Variants in LGR5 observed in about 807,000 individuals in gnomAD.
The protein encoded by LGR5 is leucine-rich repeat-containing G protein-coupled receptor 5.
LGR5 carries 54 observed loss-of-function variants against 76.7 expected under a neutral mutation model. That is an observed-to-expected ratio of 0.70 (90% CI 0.57 to 0.88). The LOEUF is 0.88. Among genes scored for constraint, LGR5 ranks in the 40% least tolerant of loss-of-function variants. The pLI, the probability that LGR5 is intolerant of heterozygous loss-of-function variation, is 0.00. For missense variants in LGR5, 1,078 were observed against 1,073.3 expected (o/e 1.00, Z -0.06); for synonymous variants, 406 against 421.9 (o/e 0.96, Z 0.46).
rs550358658 is a variant in LGR5, at chr12:71,471,488, G to A, written c.212+31196G>A. On this transcript the variant is annotated intron_variant, in intron 1 of 17. Coordinates refer to ENST00000266674, the MANE Select transcript of LGR5 (RefSeq NM_003667.4). ...GAGGATGTTGGACTGGTTAGTGACT[G>A]CTAATGGACATGGGATTTCTGGGTG... 9.8e-5 allele frequency among the ~76,000 whole-genome samples: 15 copies of A among 152,298 alleles called. No individual in the cohort carries two copies. In the South Asian group the frequency reaches 2.9e-3, roughly 29 times the overall value.
intron 1 of LGR5, among the ~76,000 whole-genome samples, chr12:71,462,784 C>A (rs923799196): frequency 5.9e-5 from 9 of 152,154 alleles, no homozygotes; most frequent in African/African-American, 2.2e-4. Flanking sequence ...CACTTAAGGA[C>A]CCATCATGCT....
chr12:71,502,855 T>G (rs1874672604), intron 1 of LGR5, among the ~76,000 whole-genome samples: 1 of 152,192 alleles, frequency 6.6e-6, no homozygotes, highest in Admixed American at 6.5e-5. Flanking sequence ...CACCTTAATA[T>G]GTAAATGACT....
At chr12:71,573,313 T>C (rs1878699748) in intron 13 of LGR5, among the ~76,000 whole-genome samples, 1 of 152,160 alleles carries the variant, frequency 6.6e-6, no homozygotes, top group Non-Finnish European at 1.5e-5. Context: ...TCAAAGTGCT[T>C]AATAATCACC....
intron 1 of LGR5, among the ~76,000 whole-genome samples, chr12:71,501,970 C>T (rs755310832): frequency 2.0e-5 from 3 of 152,068 alleles, no homozygotes; most frequent in Admixed American, 2.0e-4. Context: ...ATTTTAGAGG[C>T]CCATTTCATT....
At chr12:71,475,488 G>C (rs578167630) in intron 1 of LGR5, among the ~76,000 whole-genome samples, 11 of 151,088 alleles carry the variant, frequency 7.3e-5, no homozygotes, top group African/African-American at 2.7e-4. Context: ...GGCTGTTGAT[G>C]CTTTTCAGGC....
At chr12:71,541,825 T>G (rs1158483883) in intron 4 of LGR5, among the ~76,000 whole-genome samples, 1 of 152,066 alleles carries the variant, frequency 6.6e-6, no homozygotes, top group Non-Finnish European at 1.5e-5. Flanking sequence ...TAGAGGTGAG[T>G]CTGGGATAAG....
intron 16 of LGR5, among the ~76,000 whole-genome samples, chr12:71,581,245 C>T (rs1483471045): frequency 6.6e-6 from 1 of 152,224 alleles, no homozygotes; most frequent in Non-Finnish European, 1.5e-5. Flanking sequence ...ATTCTCCTCA[C>T]CTACCCCACC....
chr12:71,482,084 T>A (rs554993523), intron 1 of LGR5, among the ~76,000 whole-genome samples: 1 of 152,354 alleles, frequency 6.6e-6, no homozygotes, highest in African/African-American at 2.4e-5. Flanking sequence ...AGATTCCCTC[T>A]TTTGAAGGGA....
At chr12:71,559,251 G>C (rs993966313) in intron 6 of LGR5, among the ~76,000 whole-genome samples, 1 of 151,448 alleles carries the variant, frequency 6.6e-6, no homozygotes, top group Admixed American at 6.6e-5. Flanking sequence ...CAGTTGAAGA[G>C]CTCCATCCGC....
At chr12:71,460,065 T>G (rs1473686682) in intron 1 of LGR5, among the ~76,000 whole-genome samples, 1 of 151,802 alleles carries the variant, frequency 6.6e-6, no homozygotes, top group Admixed American at 6.6e-5. Context: ...CCACTTGGAG[T>G]TGAAAATACT....
rs921516135 is a variant in LGR5 at position 71,440,093 on chromosome 12, C to G, written c.13C>G (p.Arg5Gly). 2 of 1,603,608 alleles carry G rather than the reference C, an allele frequency of 1.2e-6. No homozygotes were observed. Among genetic ancestry groups the G allele is most frequent in the African/African-American group, 1.3e-5 (1 of 74,970 alleles). Residue 5 changes from arginine to glycine, a missense_variant, in exon 1 of 18, where the codon CGG becomes GGG. Arg to Gly is a moderately radical substitution (Grantham distance 125). Coordinates refer to ENST00000266674, the MANE Select transcript of LGR5 (RefSeq NM_003667.4). This position sits in a 1 kb window ranked among gnomAD's most constrained non-coding sequence, Gnocchi z 5.3. ...TACTTCGGGCACCATGGACACCTCC[C>G]GGCTCGGTGTGCTCCTGTCCTTGCC... MDTS[R>G]LGVLLSLPVL...
At chr12:71,487,839 C>T (rs67912363) in intron 1 of LGR5, among the ~76,000 whole-genome samples, 13,625 of 152,162 alleles carry the variant, frequency 0.09, 656 homozygotes, top group Non-Finnish European at 0.11. Flanking sequence ...AGAATACTCC[C>T]TAGATTGAAC....
intron 13 of LGR5, among the ~76,000 whole-genome samples, chr12:71,574,235 G>A (rs1389071465): frequency 2.1e-5 from 3 of 145,890 alleles, no homozygotes; most frequent in Admixed American, 6.9e-5. Flanking sequence ...CCCAGCAGGC[G>A]GAGGTTGCAG....
chr12:71,527,904 T>A (rs1342643568), intron 3 of LGR5, among the ~76,000 whole-genome samples: 1 of 152,212 alleles, frequency 6.6e-6, no homozygotes, highest in Non-Finnish European at 1.5e-5. Flanking sequence ...TGTCCTGCAA[T>A]GTGCTGCACA....
intron 13 of LGR5, among the ~76,000 whole-genome samples, chr12:71,576,173 A>C (rs944921117): frequency 6.6e-6 from 1 of 152,214 alleles, no homozygotes; most frequent in Admixed American, 6.5e-5. Context: ...TAGGTGCAGC[A>C]AACCTACCAT....
At chr12:71,570,525 T>G (rs1474691589) in intron 11 of LGR5, among the ~76,000 whole-genome samples, 3 of 152,104 alleles carry the variant, frequency 2.0e-5, no homozygotes, top group Non-Finnish European at 4.4e-5. Flanking sequence ...ATATTCGCTA[T>G]TTTTCAAAAA....
intron 2 of LGR5, 74 bp downstream of exon 2, chr12:71,504,759 G>T: frequency 1.6e-6 from 2 of 1,212,376 alleles, no homozygotes; most frequent in South Asian, 1.2e-5. Context: ...CATACTTACT[G>T]TGGGAACCAG....
chr12:71,475,958 G>A (rs535445766), intron 1 of LGR5, among the ~76,000 whole-genome samples: 70 of 152,212 alleles, frequency 4.6e-4, no homozygotes, highest in Non-Finnish European at 8.7e-4. Context: ...AGTTAGCTTG[G>A]AGATTCTAAC....
chr12:71,569,729 C>A (rs576323866), intron 11 of LGR5, among the ~76,000 whole-genome samples: 1 of 152,298 alleles, frequency 6.6e-6, no homozygotes, highest in East Asian at 1.9e-4. Context: ...ATTAGTTCAA[C>A]CATTGTGGAA....
Sources: gnomAD v4.1 joint callset for allele counts (sites outside exome capture counted in the v4.1 genomes callset) on GRCh38, gnomAD v4.1.1 for gene constraint, Gnocchi (gnomAD v3.1) non-coding constraint, MANE v1.5 for transcripts, NCBI Gene and HGNC (gene_info 2026-07-23, HGNC 2026-07-21) for gene names.